FHIP1A: variants seen among roughly 807,000 people sequenced by gnomAD.
FHIP1A encodes FHF complex subunit HOOK-interacting protein 1A.
A neutral mutation model predicts 88.6 loss-of-function variants in FHIP1A; 61 were observed. The observed-to-expected ratio is 0.69, with a 90% CI of 0.56 to 0.85. The LOEUF is 0.85. Among genes scored for constraint, FHIP1A ranks in the 40% least tolerant of loss-of-function variants. The pLI is 0.00. For missense variants in FHIP1A, 1,154 were observed against 1,273.5 expected (o/e 0.91, Z 1.43); for synonymous variants, 478 against 496.0 (o/e 0.96, Z 0.48).
chr4:151,411,153 T>G (rs1452955102), intron 1 of FHIP1A, among the ~76,000 whole-genome samples: 1 of 152,194 alleles, frequency 6.6e-6, no homozygotes, highest in Non-Finnish European at 1.5e-5. Flanking sequence ...GTCAGAGTGA[T>G]GCATTGCTGG....
At chr4:151,467,746 A>G (rs1729372334) in intron 2 of FHIP1A, among the ~76,000 whole-genome samples, 1 of 152,030 alleles carries the variant, frequency 6.6e-6, no homozygotes, top group Non-Finnish European at 1.5e-5. Flanking sequence ...ATCAAACACC[A>G]CGTGTTCTCA....
chr4:151,472,622 G>GT (rs5862961), intron 2 of FHIP1A, among the ~76,000 whole-genome samples: 15,090 of 131,414 alleles, frequency 0.11, 879 homozygotes, highest in East Asian at 0.14. Context: ...TTGCCTTGCT[G>GT]TTTTTTTTTT....
intron 7 of FHIP1A, among the ~76,000 whole-genome samples, chr4:151,605,643 C>T (rs1735044664): frequency 1.3e-5 from 2 of 152,200 alleles, no homozygotes; most frequent in African/African-American, 4.8e-5. Flanking sequence ...TCCTTAAAGG[C>T]ATGTGTGCTG....
intron 3 of FHIP1A, among the ~76,000 whole-genome samples, chr4:151,543,797 C>T: frequency 6.6e-6 from 1 of 151,752 alleles, no homozygotes; most frequent in East Asian, 2.0e-4. Context: ...ATATTGTTTC[C>T]TTCTAATTTT....
intron 3 of FHIP1A, among the ~76,000 whole-genome samples, chr4:151,535,655 C>T (rs1163274464): frequency 6.6e-6 from 1 of 152,192 alleles, no homozygotes; most frequent in Non-Finnish European, 1.5e-5. Flanking sequence ...ATCATTCAGA[C>T]TGTACAGTTT....
intron 7 of FHIP1A, among the ~76,000 whole-genome samples, chr4:151,605,469 TGCAAAGAG>T (rs1336378713): frequency 1.3e-5 from 2 of 152,216 alleles, no homozygotes; most frequent in Non-Finnish European, 2.9e-5. Flanking sequence ...CTTTGGTTTA[TGCAAAGAG>T]CAGCCAGCTG....
chr4:151,612,590 C>G (rs945291027), intron 7 of FHIP1A, among the ~76,000 whole-genome samples: 1 of 152,220 alleles, frequency 6.6e-6, no homozygotes, highest in Non-Finnish European at 1.5e-5. Flanking sequence ...CCTTGTTGAC[C>G]AGGCTGGTCT....
intron 3 of FHIP1A, among the ~76,000 whole-genome samples, chr4:151,532,503 G>A (rs532768859): frequency 8.7e-4 from 133 of 152,290 alleles, no homozygotes; most frequent in Non-Finnish European, 1.2e-3. Context: ...GAAGGTTAGC[G>A]TATGCTCCTT....
chr4:151,642,930 T>C (rs1736645245), intron 9 of FHIP1A, among the ~76,000 whole-genome samples: 1 of 148,614 alleles, frequency 6.7e-6, no homozygotes. Context: ...TTTATTTATA[T>C]ATTATATATA....
At chr4:151,621,724 T>A (rs894496771) in intron 7 of FHIP1A, among the ~76,000 whole-genome samples, 1 of 151,978 alleles carries the variant, frequency 6.6e-6, no homozygotes, top group African/African-American at 2.4e-5. Context: ...TTAAAGTCAG[T>A]CTCATCAGCA....
At chr4:151,507,480 T>G (rs569401386) in intron 3 of FHIP1A, among the ~76,000 whole-genome samples, 12 of 152,334 alleles carry the variant, frequency 7.9e-5, no homozygotes, top group African/African-American at 2.4e-4. Flanking sequence ...ATTTTTAACC[T>G]AGATTATTTA....
chr4:151,416,533 C>T (rs191028270), intron 1 of FHIP1A, among the ~76,000 whole-genome samples: 1 of 151,938 alleles, frequency 6.6e-6, no homozygotes, highest in Non-Finnish European at 1.5e-5. Context: ...TGTATTTATG[C>T]CTAAGTATAT....
At chr4:151,441,323 C>A (rs1580568073) in intron 1 of FHIP1A, among the ~76,000 whole-genome samples, 1 of 142,880 alleles carries the variant, frequency 7.0e-6, no homozygotes, top group South Asian at 2.2e-4. Flanking sequence ...GTCCTTTCTA[C>A]TTTTTTTTTT....
chr4:151,529,636 G>A (rs1731800587), intron 3 of FHIP1A, among the ~76,000 whole-genome samples: 1 of 152,196 alleles, frequency 6.6e-6, no homozygotes, highest in African/African-American at 2.4e-5. Context: ...CTGCCCCCGA[G>A]CAGTGGTTGG....
intron 1 of FHIP1A, among the ~76,000 whole-genome samples, chr4:151,424,038 A>ACT (rs146166510): frequency 0.013 from 1,979 of 151,834 alleles, 54 homozygotes; most frequent in African/African-American, 0.044. Context: ...AGAACGGGGA[A>ACT]CTCCACACCA....
chr4:151,615,631 A>G (rs1735491756), intron 7 of FHIP1A, among the ~76,000 whole-genome samples: 1 of 152,182 alleles, frequency 6.6e-6, no homozygotes, highest in Non-Finnish European at 1.5e-5. Flanking sequence ...ATCCTCACAT[A>G]GTCAACCTGT....
At chr4:151,614,908 C>A (rs1019118861) in intron 7 of FHIP1A, among the ~76,000 whole-genome samples, 2 of 152,076 alleles carry the variant, frequency 1.3e-5, no homozygotes, top group African/African-American at 4.8e-5. Context: ...GCTTTTTTCC[C>A]CCTCTTATCA....
rs148522419 is a variant in FHIP1A, at chr4:151,624,022, G to A, written c.979-5680G>A. On this transcript the variant is annotated intron_variant, in intron 7 of 13. Coordinates refer to ENST00000435205, the MANE Select transcript of FHIP1A (RefSeq NM_001109977.3). ...CTTTCTGTCCCCAGCACCCAGTACA[G>A]AGCTTTCACACCTGCATAAATGTTT... Among the ~76,000 whole-genome samples the A allele has an allele frequency of 3.1e-4, 47 of 152,280 alleles. 1 individual carries two copies. The East Asian group carries it at 7.3e-3, about 24-fold the overall frequency.
rs572731747 is a variant in FHIP1A at position 151,646,335 on chromosome 4, A to G, written c.1227-223A>G. Among the ~76,000 whole-genome samples the G allele has an allele frequency of 3.3e-5, 5 of 152,316 alleles. No homozygotes were observed. In the South Asian group the frequency reaches 1.0e-3, roughly 32 times the overall value. On this transcript the variant is annotated intron_variant, in intron 9 of 13. Transcript: ENST00000435205. ...GTTTAAGAGATGAAGAAGTTCCTGG[A>G]GATTGAATTATAAAGACCATTAAGT... is the stretch of plus-strand genomic sequence containing the variant.
Sources: gnomAD v4.1 joint callset for allele counts (sites outside exome capture counted in the v4.1 genomes callset) on GRCh38, gnomAD v4.1.1 for gene constraint, MANE v1.5 for transcripts, NCBI Gene and HGNC (gene_info 2026-07-23, HGNC 2026-07-21) for gene names.